FSTL5: variants seen among roughly 807,000 people sequenced by gnomAD.
The protein encoded by FSTL5 is follistatin-related protein 5.
Under a neutral mutation model 89.1 loss-of-function variants are expected in FSTL5, and 62 were observed. That is an observed-to-expected ratio of 0.70 (90% confidence interval 0.57 to 0.86). The LOEUF is 0.86. FSTL5 is among the 40% of genes least tolerant of loss of function. The probability of loss-of-function intolerance (pLI) is 0.00; values close to 1 mark genes in which losing one functional copy is unlikely to be tolerated. For synonymous variants in FSTL5, 383 were observed against 346.2 expected (o/e 1.11, Z -1.18); for missense variants, 1,057 against 1,001.6 (o/e 1.06, Z -0.75).
At chr4:162,025,839 G>C (rs1189082383) in intron 3 of FSTL5, among the ~76,000 whole-genome samples, 4 of 151,212 alleles carry the variant, frequency 2.6e-5, no homozygotes, top group African/African-American at 9.7e-5. Flanking sequence ...AGAAGTCATA[G>C]GTATAATACC....
intron 8 of FSTL5, among the ~76,000 whole-genome samples, chr4:161,568,132 C>A (rs1326219679): frequency 6.6e-6 from 1 of 151,748 alleles, no homozygotes; most frequent in African/African-American, 2.4e-5. Context: ...CCATATTTGC[C>A]ATATATCTCA....
At chr4:161,495,736 G>T (rs1730045746) in intron 12 of FSTL5, among the ~76,000 whole-genome samples, 1 of 151,846 alleles carries the variant, frequency 6.6e-6, no homozygotes, top group African/African-American at 2.4e-5. Flanking sequence ...GAGTTATATT[G>T]GGAAGTATAC....
chr4:162,090,115 T>A (rs1035186281), intron 2 of FSTL5, among the ~76,000 whole-genome samples: 7 of 152,070 alleles, frequency 4.6e-5, no homozygotes, highest in African/African-American at 1.7e-4. Flanking sequence ...AATACTTAAA[T>A]GTAAAAACCT....
intron 13 of FSTL5, among the ~76,000 whole-genome samples, chr4:161,468,668 T>C (rs565216677): frequency 2.0e-5 from 3 of 152,212 alleles, no homozygotes; most frequent in Non-Finnish European, 4.4e-5. Flanking sequence ...TCATTTTTTC[T>C]TGATTTCTTC....
chr4:162,025,896 A>T (rs1272964934), intron 3 of FSTL5, among the ~76,000 whole-genome samples: 1 of 152,022 alleles, frequency 6.6e-6, no homozygotes, highest in Non-Finnish European at 1.5e-5. Context: ...TACATTAATA[A>T]TTCTAAAAAT....
intron 6 of FSTL5, among the ~76,000 whole-genome samples, chr4:161,735,346 T>A (rs1739773631): frequency 1.3e-5 from 2 of 152,100 alleles, no homozygotes; most frequent in African/African-American, 4.8e-5. Context: ...ACCCTGTGCC[T>A]TTGAGTTTTT....
chr4:162,143,396 A>T (rs1003918390), intron 1 of FSTL5, among the ~76,000 whole-genome samples: 2 of 152,122 alleles, frequency 1.3e-5, no homozygotes, highest in African/African-American at 4.8e-5. Context: ...TATCACTTAA[A>T]AGTGTTTCTT....
chr4:162,145,753 T>C (rs1400480131), intron 1 of FSTL5, among the ~76,000 whole-genome samples: 2 of 152,184 alleles, frequency 1.3e-5, no homozygotes, highest in East Asian at 3.8e-4. Flanking sequence ...TATGCTCAGA[T>C]AGTTTAGAGA....
intron 4 of FSTL5, among the ~76,000 whole-genome samples, chr4:161,870,355 C>G (rs531842456): frequency 6.6e-6 from 1 of 151,752 alleles, no homozygotes; most frequent in Admixed American, 6.6e-5. Flanking sequence ...CACACACACA[C>G]ACGTACACAC....
chr4:162,041,215 A>G (rs1283258047), intron 2 of FSTL5, among the ~76,000 whole-genome samples: 1 of 151,562 alleles, frequency 6.6e-6, no homozygotes, highest in African/African-American at 2.4e-5. Context: ...AAAAAAAAAA[A>G]AAAAAAAAAA....
rs543282028 is a variant in FSTL5, at chr4:162,080,922, T to C, written c.126+30349A>G. 4.6e-5 allele frequency among the ~76,000 whole-genome samples: 7 copies of C among 151,794 alleles called. No homozygotes were observed. The South Asian group carries it at 1.2e-3, about 27-fold the overall frequency. ...TTGTTGAAGTTTAAAATTATTGCTG[T>C]GAACTAAGCATTAATAAGCTGCGTT... On this transcript the variant is annotated intron_variant, in intron 2 of 15. Transcript: ENST00000306100.
Position 161,415,387 on chromosome 4 carries a change from C to T in FSTL5, c.1842-28938G>A, listed in dbSNP as rs1484047942. On this transcript the variant is annotated intron_variant, in intron 15 of 15. Transcript: ENST00000306100. ...TCTCTTGCCTCAGCTTCCTGAGTGG[C>T]TTGGGTTACAGGCACCCACCATCAT... Among the ~76,000 whole-genome samples, 3 of 152,136 alleles carry T rather than the reference C, an allele frequency of 2.0e-5. No individual in the cohort carries two copies. In the East Asian group the frequency reaches 5.8e-4, roughly 30 times the overall value.
chr4:161,669,658 C>T (rs907264169), intron 6 of FSTL5, among the ~76,000 whole-genome samples: 1 of 152,018 alleles, frequency 6.6e-6, no homozygotes, highest in African/African-American at 2.4e-5. Context: ...ACATCACAGA[C>T]TTAAATATAA....
At chr4:161,648,704 C>T (rs1408501740) in intron 7 of FSTL5, among the ~76,000 whole-genome samples, 7 of 151,926 alleles carry the variant, frequency 4.6e-5, no homozygotes, top group Non-Finnish European at 1.0e-4. Context: ...ACTCTGAATA[C>T]AAAATTGCTA....
At chr4:161,814,431 C>T (rs1315012739) in intron 4 of FSTL5, among the ~76,000 whole-genome samples, 1 of 152,096 alleles carries the variant, frequency 6.6e-6, no homozygotes, top group Non-Finnish European at 1.5e-5. Flanking sequence ...TTATTGTGTT[C>T]ATTAACATTT....
intron 15 of FSTL5, among the ~76,000 whole-genome samples, chr4:161,444,748 C>T (rs1732889329): frequency 1.3e-5 from 2 of 151,506 alleles, no homozygotes; most frequent in South Asian, 4.2e-4. Flanking sequence ...CAAAGGTTGG[C>T]TTGGGATAAC....
Position 161,978,472 on chromosome 4 carries a change from TTTTA to T in FSTL5, c.160+55149_160+55152del, listed in dbSNP as rs538498857. Reference sequence around the variant, plus strand: ...TATGAAAAATACGTCACTCATGCTGTTTTATTTATTATTTTACAACGTAAGAATA... The same window carrying T: ...TATGAAAAATACGTCACTCATGCTGTTTTATTATTTTACAACGTAAGAATA... On this transcript the variant is annotated intron_variant, in intron 3 of 15. Coordinates refer to ENST00000306100, the MANE Select transcript of FSTL5 (RefSeq NM_020116.5). Among the ~76,000 whole-genome samples the T allele has an allele frequency of 3.7e-4, 57 of 152,274 alleles. No homozygotes were observed. In the East Asian group the frequency reaches 6.2e-3, roughly 16 times the overall value.
intron 2 of FSTL5, among the ~76,000 whole-genome samples, chr4:162,064,538 A>G (rs1024143252): frequency 1.3e-5 from 2 of 152,046 alleles, no homozygotes; most frequent in Non-Finnish European, 2.9e-5. Flanking sequence ...GAGTGAGGAT[A>G]TTGGTCTTTT....
intron 6 of FSTL5, among the ~76,000 whole-genome samples, chr4:161,756,784 A>G (rs965645091): frequency 5.9e-5 from 9 of 152,294 alleles, no homozygotes; most frequent in Middle Eastern, 3.4e-3. Context: ...ACTCATTCAC[A>G]TATTTCTATT....
Sources: gnomAD v4.1 joint callset for allele counts (sites outside exome capture counted in the v4.1 genomes callset) on GRCh38, gnomAD v4.1.1 for gene constraint, MANE v1.5 for transcripts, NCBI Gene and HGNC (gene_info 2026-07-23, HGNC 2026-07-21) for gene names.